PHLDB3: variants seen among roughly 807,000 people sequenced by gnomAD.
The protein encoded by PHLDB3 is pleckstrin homology like domain family B member 3.
In PHLDB3, 86 loss-of-function variants were observed where a neutral mutation model predicts 85.7. The observed-to-expected ratio is 1.00, with a 90% CI of 0.84 to 1.20. PHLDB3 has a LOEUF of 1.20. PHLDB3 is among the 50% of genes most tolerant of loss of function. The probability of loss-of-function intolerance (pLI) is 0.00; values close to 1 mark genes in which losing one functional copy is unlikely to be tolerated. For missense variants in PHLDB3, 995 were observed against 873.0 expected (o/e 1.14, Z -1.76); for synonymous variants, 376 against 349.8 (o/e 1.07, Z -0.83).
rs984209862 is a variant in PHLDB3 at position 43,494,733 on chromosome 19, G to A, written c.1118C>T (p.Ser373Phe). Residue 373 changes from serine to phenylalanine, a missense_variant, in exon 9 of 16, where the codon TCC becomes TTC. Physicochemically the swap from Ser to Phe is radical, Grantham distance 155 (BLOSUM62 -2). Transcript: ENST00000292140. ...VAHSAATPTS[S>F]CLFSVHSSLQ... ...GGAGCTGTGGACAGAAAAGAGGCAGGAAGAAGTAGGGGTGGCAGCGGAGTG... is the reference window on the plus strand; with the variant it reads ...GGAGCTGTGGACAGAAAAGAGGCAGAAAGAAGTAGGGGTGGCAGCGGAGTG... 2 of 1,613,192 alleles carry A rather than the reference G, an allele frequency of 1.2e-6. No individual in the cohort carries two copies. Among genetic ancestry groups the A allele is most frequent in the South Asian group, 1.1e-5 (1 of 90,912 alleles).
chr19:43,503,993 C>T lies in PHLDB3; in HGVS notation c.126G>A (p.Ala42=). Residue 42 remains alanine, a synonymous_variant, in exon 2 of 16, where the codon GCG becomes GCA. Transcript: ENST00000292140. ...SREQEASEVL[A]EPSSRGGAEQ... is the part of the protein sequence containing the mutation. ...CAGCTCCCCCGCGGCTCGAAGGTTCCGCCAGGACTTCGGATGCCTCCTGTT... is the reference window on the plus strand; with the variant it reads ...CAGCTCCCCCGCGGCTCGAAGGTTCTGCCAGGACTTCGGATGCCTCCTGTT... The T allele has an allele frequency of 6.2e-7, 1 of 1,613,960 alleles. No individual in the cohort carries two copies. Among genetic ancestry groups the T allele is most frequent in the Non-Finnish European group, 8.5e-7 (1 of 1,179,828 alleles).
In PHLDB3 at chr19:43,494,831, T is replaced by C. The variant is rs2072515787; in HGVS notation, c.1036-16A>G. 1 of 1,594,420 alleles carries C rather than the reference T, an allele frequency of 6.3e-7. No homozygotes were observed. The highest frequency in any genetic ancestry group is 1.7e-5 in the Admixed American group (1 of 57,610). On this transcript the variant is annotated splice_polypyrimidine_tract_variant and intron_variant, in intron 8 of 15. Coordinates refer to ENST00000292140, the MANE Select transcript of PHLDB3 (RefSeq NM_198850.4). ...TGAACAGCAGCTGCAAGAGATGGGGTGAAGTTTCGTGGGAGCAGGAGAGAC... is the reference window on the plus strand; with the variant it reads ...TGAACAGCAGCTGCAAGAGATGGGGCGAAGTTTCGTGGGAGCAGGAGAGAC...
At chr19:43,491,945 G>GT (rs35827061) in intron 9 of PHLDB3, among the ~76,000 whole-genome samples, 2,467 of 129,452 alleles carry the variant, frequency 0.019, 33 homozygotes, top group Non-Finnish European at 0.026. Flanking sequence ...GCACCTGGCC[G>GT]TTTTTTTTTT....
intron 2 of PHLDB3, 32 bp downstream of exon 2, chr19:43,503,874 G>A: frequency 6.2e-7 from 1 of 1,612,326 alleles, no homozygotes; most frequent in Non-Finnish European, 8.5e-7. Context: ...GTCGGTCCAA[G>A]CCCCCCGCGC....
At chr19:43,495,020 G>GC (rs58249923) in intron 8 of PHLDB3, among the ~76,000 whole-genome samples, 146,840 of 147,778 alleles carry the variant, frequency 0.99, 72,951 homozygotes, top group Admixed American at 0.99. Flanking sequence ...GGGGCTGGGG[G>GC]CTGGACTCCT....
intron 5 of PHLDB3, 74 bp from the exon 6 acceptor site, chr19:43,497,353 A>G (rs1971484844): frequency 4.2e-6 from 5 of 1,196,156 alleles, no homozygotes; most frequent in Non-Finnish European, 5.5e-6. Flanking sequence ...TGGGGCTGGG[A>G]CTCCTGGTCA....
intron 13 of PHLDB3, among the ~76,000 whole-genome samples, chr19:43,480,873 G>A (rs1971031206): frequency 6.6e-6 from 1 of 152,086 alleles, no homozygotes; most frequent in African/African-American, 2.4e-5. Context: ...GAGGATTTAA[G>A]GCAATACAAG....
At chr19:43,500,909 A>ACCTCCCCCCCCCCCCCCC (rs1971573935) in intron 4 of PHLDB3, among the ~76,000 whole-genome samples, 1 of 17,152 alleles carries the variant, frequency 5.8e-5, no homozygotes, top group South Asian at 2.9e-3. Flanking sequence ...CGCCCCCCGT[A>ACCTCCCCCCCCCCCCCCC]CCCCCCCCCC....
intron 9 of PHLDB3, among the ~76,000 whole-genome samples, chr19:43,488,581 GC>G (rs1305197357): frequency 6.6e-6 from 1 of 152,096 alleles, no homozygotes; most frequent in African/African-American, 2.4e-5. Context: ...GGGCAACTTG[GC>G]TTTTTTAAAA....
rs140900097 is a variant in PHLDB3 at position 43,484,070 on chromosome 19, G to A, written c.1485+2196C>T. Among the ~76,000 whole-genome samples the A allele has an allele frequency of 4.7e-3, 709 of 152,034 alleles. 11 individuals carry two copies. The highest frequency in any genetic ancestry group is 0.016 in the African/African-American group (663 of 41,482). ...AGTTCAAAACCAGCCTGGCCAACAT[G>A]GTGAAACCCCGTCTCTACTATAAAT... On this transcript the variant is annotated intron_variant, in intron 13 of 15. Transcript: ENST00000292140.
At chr19:43,484,281 TAATA>T (rs1280939195) in intron 13 of PHLDB3, among the ~76,000 whole-genome samples, 4 of 133,152 alleles carry the variant, frequency 3.0e-5, no homozygotes, top group African/African-American at 8.4e-5. Flanking sequence ...AAAAGAAAAA[TAATA>T]AATAAATTTT....
At chr19:43,499,557 G>A (rs1019750533) in intron 4 of PHLDB3, among the ~76,000 whole-genome samples, 50 of 151,984 alleles carry the variant, frequency 3.3e-4, no homozygotes, top group Admixed American at 2.0e-4. Flanking sequence ...GAGAGGGCCT[G>A]GGAGAAATAT....
intron 6 of PHLDB3, 43 bp from the exon 7 acceptor site, chr19:43,495,663 AG>A: frequency 6.3e-6 from 10 of 1,577,252 alleles, no homozygotes; most frequent in Non-Finnish European, 8.6e-6. Flanking sequence ...CCAGCTCTCC[AG>A]GCCACCCTCC....
Position 43,495,626 on chromosome 19 carries a change from C to A in PHLDB3, c.826-6G>T. On this transcript the variant is annotated splice_polypyrimidine_tract_variant and splice_region_variant and intron_variant, in intron 6 of 15. Transcript: ENST00000292140. ...CGGTGCTGCAGAGCACCCCTCTGTC[C>A]CGGTTACTCATCTGTCACGGCCCCA... is the stretch of plus-strand genomic sequence containing the variant. The A allele has an allele frequency of 6.2e-7, 1 of 1,605,830 alleles. No individual in the cohort carries two copies. Among genetic ancestry groups the A allele is most frequent in the Non-Finnish European group, 8.5e-7 (1 of 1,176,494 alleles).
intron 9 of PHLDB3, 29 bp downstream of exon 9, chr19:43,494,673 T>G: frequency 6.5e-7 from 1 of 1,537,586 alleles, no homozygotes; most frequent in Non-Finnish European, 8.9e-7. Flanking sequence ...ATAAGATATA[T>G]GGGGAAACAG....
chr19:43,495,461 G>T (rs1279785858), intron 7 of PHLDB3, 34 bp downstream of exon 7: 1 of 1,604,914 alleles, frequency 6.2e-7, no homozygotes, highest in Non-Finnish European at 8.5e-7. Context: ...GGGAAGTGAG[G>T]ACGGTAGGGT....
chr19:43,475,333 G>A lies in PHLDB3; in HGVS notation c.*77C>T, dbSNP rs950841756. On this transcript the variant is annotated 3_prime_UTR_variant, in exon 16 of 16. Coordinates refer to ENST00000292140, the MANE Select transcript of PHLDB3 (RefSeq NM_198850.4). ...GGTGCGTCCAAGTTTTCCGGCAGTG[G>A]GCGGGGCCTAGGAACGCCCCCGCGC... The A allele has an allele frequency of 3.9e-6, 6 of 1,550,850 alleles. No homozygotes were observed. Among genetic ancestry groups the A allele is most frequent in the Non-Finnish European group, 3.5e-6 (4 of 1,144,086 alleles).
At chr19:43,500,873 C>G (rs2599445) in intron 4 of PHLDB3, among the ~76,000 whole-genome samples, 50,167 of 87,996 alleles carry the variant, frequency 0.57, 14,552 homozygotes, top group East Asian at 0.63. Context: ...ATAGTCTTGG[C>G]CTCAAGCGAT....
At position 43,493,631 on chromosome 19, in the gene PHLDB3, A is replaced by G. The variant is rs1185586833; in HGVS notation, c.1149+1071T>C. Among the ~76,000 whole-genome samples, 3 of 148,292 alleles carry G rather than the reference A, an allele frequency of 2.0e-5. No individual in the cohort carries two copies. The East Asian group carries it at 5.8e-4, about 29-fold the overall frequency. Reference sequence around the variant, plus strand: ...TGGGCAACAGAGTGAGACTCTGTCAAAAAAAAAAAGCTAGAAGAGGACTTG... The same window carrying G: ...TGGGCAACAGAGTGAGACTCTGTCAGAAAAAAAAAGCTAGAAGAGGACTTG... On this transcript the variant is annotated intron_variant, in intron 9 of 15. Transcript: ENST00000292140.
Sources: allele counts gnomAD v4.1 joint callset (sites outside exome capture counted in the v4.1 genomes callset), GRCh38; gene constraint gnomAD v4.1.1; transcripts MANE v1.5; gene names NCBI Gene and HGNC (gene_info 2026-07-23, HGNC 2026-07-21).